PCDHA1: variants seen among roughly 807,000 people sequenced by gnomAD.
PCDHA1 encodes protocadherin alpha 1, also known as protocadherin alpha-1.
PCDHA1 carries 42 observed loss-of-function variants against 61.3 expected under a neutral mutation model. The ratio of observed to expected loss-of-function variants is 0.69; its 90% CI spans 0.54 to 0.89. The LOEUF is 0.89. PCDHA1 is among the 40% of genes least tolerant of loss of function. PCDHA1 has a pLI of 0.00. For synonymous variants in PCDHA1, 610 were observed against 553.8 expected (o/e 1.10, Z -1.43); for missense variants, 1,256 against 1,235.3 (o/e 1.02, Z -0.25).
At chr5:140,875,667 G>T in intron 1 of PCDHA1, 1 of 1,613,820 alleles carries the variant, frequency 6.2e-7, no homozygotes, top group Non-Finnish European at 8.5e-7. Flanking sequence ...GCCTGTTCCG[G>T]GTGGCGTCCA....
intron 1 of PCDHA1, among the ~76,000 whole-genome samples, chr5:140,820,314 T>C (rs1766731198): frequency 1.3e-5 from 2 of 152,016 alleles, no homozygotes; most frequent in African/African-American, 4.8e-5. Flanking sequence ...CAATATCTTG[T>C]TTCTTTACAA....
intron 1 of PCDHA1, chr5:140,966,860 T>C (rs1586162562): frequency 3.2e-6 from 5 of 1,577,484 alleles, no homozygotes; most frequent in East Asian, 2.3e-5. Context: ...CCTGCTGCTG[T>C]TGCTGCTGCT....
chr5:140,802,218 G>A (rs1554121955), intron 1 of PCDHA1: 1 of 1,614,234 alleles, frequency 6.2e-7, no homozygotes, highest in East Asian at 2.2e-5. Context: ...ACTCGAAATT[G>A]TGGACATCAA....
At chr5:140,997,656 T>G (rs2153947694) in intron 3 of PCDHA1, among the ~76,000 whole-genome samples, 1 of 149,610 alleles carries the variant, frequency 6.7e-6, no homozygotes. Flanking sequence ...GCAATATGTA[T>G]TATTATACAG....
chr5:141,010,374 C>A lies in PCDHA1; in HGVS notation c.*437C>A. 2 of 1,459,768 alleles carry A rather than the reference C, an allele frequency of 1.4e-6. No homozygotes were observed. Among genetic ancestry groups the A allele is most frequent in the South Asian group, 1.4e-5 (1 of 73,044 alleles). 90.4% of individuals were successfully genotyped at this position (1,459,768 alleles called of 1,614,324 possible). On this transcript the variant is annotated 3_prime_UTR_variant, in exon 4 of 4. Coordinates refer to ENST00000504120, the MANE Select transcript of PCDHA1 (RefSeq NM_018900.4). ...TGTGGCTACCGCGGGTATGCGAGTG[C>A]CAGATATTGGCTGAGACGAGCCAGC...
chr5:140,823,367 A>G (rs2150125075), intron 1 of PCDHA1: 2 of 1,612,856 alleles, frequency 1.2e-6, no homozygotes, highest in Non-Finnish European at 1.7e-6. Flanking sequence ...GAGCTGCTGC[A>G]GTTCCAGGTG....
At chr5:140,829,005 G>C (rs2150161875) in intron 1 of PCDHA1, 5 of 1,613,588 alleles carry the variant, frequency 3.1e-6, no homozygotes, top group Non-Finnish European at 3.4e-6. Context: ...ATAGTGATTC[G>C]GGGTAATTTG....
In PCDHA1 at chr5:140,787,308, G is replaced by A. The variant is rs140151054; in HGVS notation, c.1018G>A (p.Val340Met). ...AAATCACTGTAAGGTTTTGGTGAAA[G>A]TGCTGGATGTAAATGATAATGCTCC... The part of the protein sequence containing the change: ...MSNHCKVLVK[V>M]LDVNDNAPEL... The change falls in exon 1 of 4, where the codon GTG becomes ATG. Residue 340 changes from valine to methionine, a missense_variant. Val to Met is a conservative substitution (Grantham distance 21, BLOSUM62 1). Coordinates refer to ENST00000504120, the MANE Select transcript of PCDHA1 (RefSeq NM_018900.4). 1 of 1,614,086 alleles carries A rather than the reference G, an allele frequency of 6.2e-7. No homozygotes were observed. The highest frequency in any genetic ancestry group is 2.2e-5 in the East Asian group (1 of 44,898).
At chr5:140,802,327 G>A (rs1554122041) in intron 1 of PCDHA1, 1 of 1,614,202 alleles carries the variant, frequency 6.2e-7, no homozygotes, top group South Asian at 1.1e-5. Context: ...GTGTCCGACC[G>A]CGACTCAGGA....
rs111391918 is a variant in PCDHA1 at position 140,984,395 on chromosome 5, G to A, written c.2542+1832G>A. ...CCCTCTTTCAGATTCAAAAAATGTTGAGAACCTATCTTTTTTACAGAGATA... is the reference window on the plus strand; with the variant it reads ...CCCTCTTTCAGATTCAAAAAATGTTAAGAACCTATCTTTTTTACAGAGATA... On this transcript the variant is annotated intron_variant, in intron 3 of 3. Coordinates refer to ENST00000504120, the MANE Select transcript of PCDHA1 (RefSeq NM_018900.4). 6.4e-3 allele frequency among the ~76,000 whole-genome samples: 978 copies of A among 152,194 alleles called. 14 individuals are homozygous for A. Among genetic ancestry groups the A allele is most frequent in the African/African-American group, 0.023 (947 of 41,508 alleles).
intron 1 of PCDHA1, among the ~76,000 whole-genome samples, chr5:140,936,053 C>T (rs576745037): frequency 1.2e-4 from 18 of 152,052 alleles, no homozygotes; most frequent in Middle Eastern, 3.4e-3. Flanking sequence ...CCACCACACC[C>T]GGCTAATTTT....
chr5:140,823,838 C>T (rs1767894388), intron 1 of PCDHA1: 2 of 1,613,824 alleles, frequency 1.2e-6, no homozygotes, highest in Middle Eastern at 1.7e-4. Flanking sequence ...GCTGTGGGTC[C>T]CGAGGCTGCC....
intron 1 of PCDHA1, chr5:140,877,253 T>G (rs2056969600): frequency 1.2e-6 from 2 of 1,613,576 alleles, no homozygotes; most frequent in Non-Finnish European, 8.5e-7. Context: ...GTGGCGAAAG[T>G]GCGCGCGGTG....
chr5:140,850,585 A>T lies in PCDHA1; in HGVS notation c.2394+61901A>T. 6.3e-6 allele frequency: 10 copies of T among 1,598,426 alleles called. 3 individuals carry two copies. Among genetic ancestry groups the T allele is most frequent in the African/African-American group, 1.3e-5 (1 of 74,476 alleles). On this transcript the variant is annotated intron_variant, in intron 1 of 3. Transcript: ENST00000504120. ...CCCGAGGTGACGCTGGTGGATGTCA[A>T]CGTGTACCTGATCATCGCCATCTGC... is the stretch of plus-strand genomic sequence containing the variant.
rs1289602070 is a variant in PCDHA1, at chr5:140,823,010, T to A, written c.2394+34326T>A. 3 of 1,614,120 alleles carry A rather than the reference T, an allele frequency of 1.9e-6. No homozygotes were observed. In the African/African-American group the frequency reaches 4.0e-5, roughly 22 times the overall value. On this transcript the variant is annotated intron_variant, in intron 1 of 3. Coordinates refer to ENST00000504120, the MANE Select transcript of PCDHA1 (RefSeq NM_018900.4). Reference sequence around the variant, plus strand: ...TACTCGTTGGTGCTGGACAGCGCCCTGGACCGCGAGAGCGTGTCGGTCTAT... The same window carrying A: ...TACTCGTTGGTGCTGGACAGCGCCCAGGACCGCGAGAGCGTGTCGGTCTAT...
At chr5:140,938,897 G>T (rs72800999) in intron 1 of PCDHA1, among the ~76,000 whole-genome samples, 1 of 151,198 alleles carries the variant, frequency 6.6e-6, no homozygotes, top group East Asian at 1.9e-4. Context: ...ACACAGATGC[G>T]CACACACACA....
In PCDHA1 at chr5:140,788,014, G is replaced by A; in HGVS notation, c.1724G>A (p.Gly575Asp). 6.2e-7 allele frequency: 1 copy of A among 1,614,040 alleles called. No individual in the cohort carries two copies. The highest frequency in any genetic ancestry group is 8.5e-7 in the Non-Finnish European group (1 of 1,179,912). ...GCGCCTCGAGTGGGTGGCACTATTG[G>A]TGCAGTCAGTGAGCTGGTGCCGCGA... is the stretch of plus-strand genomic sequence containing the variant. ...LLAPRVGGTI[G>D]AVSELVPRLV... is the part of the protein sequence containing the mutation. The change falls in exon 1 of 4, where the codon GGT becomes GAT. Residue 575 changes from glycine (G) to aspartate (D), a missense_variant. Transcript: ENST00000504120.
rs1271034090 is a variant in PCDHA1 at position 140,842,237 on chromosome 5, G to T, written c.2394+53553G>T. ...AAATACGGGAGAAATAGTGATTCGG[G>T]GTAATTTGGATTTTGAACAAGAAAA... On this transcript the variant is annotated intron_variant, in intron 1 of 3. Transcript: ENST00000504120. 1.9e-6 allele frequency: 3 copies of T among 1,612,294 alleles called. No individual in the cohort carries two copies. The highest frequency in any genetic ancestry group is 3.3e-5 in the Admixed American group (2 of 59,972).
At chr5:140,925,084 A>AGGAAGGAAGGAAGGAAGGAAGGAG (rs1554202501) in intron 1 of PCDHA1, among the ~76,000 whole-genome samples, 2 of 144,612 alleles carry the variant, frequency 1.4e-5, no homozygotes, top group African/African-American at 5.6e-5. Context: ...TCATCTGGAA[A>AGGAAGGAAGGAAGGAAGGAAGGAG]GGAAGGAAGG....
Sources: allele counts gnomAD v4.1 joint callset (sites outside exome capture counted in the v4.1 genomes callset), GRCh38; gene constraint gnomAD v4.1.1; transcripts MANE v1.5; gene names NCBI Gene and HGNC (gene_info 2026-07-23, HGNC 2026-07-21).